CDC42BPA: variants seen among roughly 807,000 people sequenced by gnomAD.
CDC42BPA encodes the protein serine/threonine-protein kinase MRCK alpha.
Under a neutral mutation model 223.5 loss-of-function variants are expected in CDC42BPA, and 80 were observed. That is an observed-to-expected ratio of 0.36 (90% CI 0.30 to 0.43). The LOEUF (loss-of-function observed/expected upper bound fraction) is 0.43, where lower values mean the gene tolerates loss of function less well. Ranked by LOEUF, CDC42BPA falls within the 20% of genes least tolerant of loss-of-function variation. The probability of loss-of-function intolerance (pLI) is 1.00; values close to 1 mark genes in which losing one functional copy is unlikely to be tolerated. For synonymous variants in CDC42BPA, 694 were observed against 718.6 expected (o/e 0.97, Z 0.55); for missense variants, 1,743 against 2,099.9 (o/e 0.83, Z 3.32).
intron 16 of CDC42BPA, among the ~76,000 whole-genome samples, chr1:227,083,265 C>A (rs1172114404): frequency 6.7e-6 from 1 of 150,024 alleles, no homozygotes; most frequent in Non-Finnish European, 1.5e-5. Context: ...TCCCTGACTA[C>A]ACTTTAGTCT....
chr1:227,077,382 C>T (rs1235062938), intron 17 of CDC42BPA, among the ~76,000 whole-genome samples: 1 of 152,162 alleles, frequency 6.6e-6, no homozygotes, highest in African/African-American at 2.4e-5. Context: ...TTACTATACA[C>T]AAATGAGCAT....
chr1:227,096,867 T>C (rs145095211), intron 15 of CDC42BPA, among the ~76,000 whole-genome samples: 87 of 152,334 alleles, frequency 5.7e-4, no homozygotes, highest in Non-Finnish European at 1.0e-3. Flanking sequence ...CTTGAAGCTT[T>C]TGTGGCCTTC....
intron 17 of CDC42BPA, among the ~76,000 whole-genome samples, chr1:227,075,239 T>C (rs1392429965): frequency 6.6e-6 from 1 of 152,238 alleles, no homozygotes; most frequent in Non-Finnish European, 1.5e-5. Flanking sequence ...TTTGTCTTTG[T>C]GCAGGCTGGT....
chr1:227,268,782 C>T (rs1362116610), intron 1 of CDC42BPA, among the ~76,000 whole-genome samples: 1 of 151,390 alleles, frequency 6.6e-6, no homozygotes, highest in African/African-American at 2.4e-5. Context: ...ACCTCCTGGG[C>T]TGAAACAATC....
chr1:227,268,515 T>C (rs1685384551), intron 1 of CDC42BPA, among the ~76,000 whole-genome samples: 2 of 151,330 alleles, frequency 1.3e-5, no homozygotes, highest in Non-Finnish European at 2.9e-5. Flanking sequence ...TTAATACACA[T>C]TTATATGTGT....
chr1:227,247,141 A>G (rs1191989432), intron 2 of CDC42BPA, among the ~76,000 whole-genome samples: 1 of 152,128 alleles, frequency 6.6e-6, no homozygotes, highest in African/African-American at 2.4e-5. Flanking sequence ...CAGAGGTTGC[A>G]GTGAGCCAAG....
At chr1:227,080,487 C>A (rs1399159427) in intron 17 of CDC42BPA, among the ~76,000 whole-genome samples, 2 of 152,074 alleles carry the variant, frequency 1.3e-5, no homozygotes, top group African/African-American at 4.8e-5. Flanking sequence ...GATAACAGTA[C>A]AGTATCTTTA....
At position 227,259,493 on chromosome 1, in the gene CDC42BPA, T is replaced by C. The variant is rs1027004478; in HGVS notation, c.179-5338A>G. ...TTATTCCCGGTGTTCTGGCGATTCC[T>C]GACATTTGATTGCATCCCCGCCTTG... On this transcript the variant is annotated intron_variant, in intron 1 of 36. Coordinates refer to ENST00000366766, the MANE Select transcript of CDC42BPA (RefSeq NM_001394014.1). 9.3e-5 allele frequency among the ~76,000 whole-genome samples: 14 copies of C among 151,086 alleles called. 3 individuals carry two copies. The highest frequency in any genetic ancestry group is 3.5e-4 in the African/African-American group (14 of 40,370).
intron 35 of CDC42BPA, among the ~76,000 whole-genome samples, chr1:227,002,836 CTG>C (rs1456651404): frequency 6.6e-6 from 1 of 152,200 alleles, no homozygotes; most frequent in Non-Finnish European, 1.5e-5. Context: ...CTTGAGGTGA[CTG>C]TGGCCCCAGC....
chr1:227,038,451 T>C (rs888924094), intron 24 of CDC42BPA, among the ~76,000 whole-genome samples: 2 of 152,226 alleles, frequency 1.3e-5, no homozygotes, highest in Non-Finnish European at 2.9e-5. Flanking sequence ...GATAAGATGA[T>C]GTCAAAGATG....
intron 1 of CDC42BPA, among the ~76,000 whole-genome samples, chr1:227,307,034 A>G (rs1692677425): frequency 6.6e-6 from 1 of 152,152 alleles, no homozygotes; most frequent in African/African-American, 2.4e-5. Context: ...CCATGACAAT[A>G]TCGATCCCAA....
chr1:227,116,511 G>A (rs973516688), intron 12 of CDC42BPA, among the ~76,000 whole-genome samples: 2 of 152,172 alleles, frequency 1.3e-5, no homozygotes, highest in African/African-American at 4.8e-5. Flanking sequence ...AGATGGGGAT[G>A]CCTGCTATTA....
At chr1:227,130,100 T>G (rs1034712616) in intron 10 of CDC42BPA, among the ~76,000 whole-genome samples, 1 of 152,170 alleles carries the variant, frequency 6.6e-6, no homozygotes, top group East Asian at 1.9e-4. Context: ...TTCCCAGATA[T>G]CATCAAAAGA....
chr1:227,125,422 G>A (rs1689386925), intron 11 of CDC42BPA, among the ~76,000 whole-genome samples: 1 of 151,848 alleles, frequency 6.6e-6, no homozygotes, highest in Admixed American at 6.6e-5. Context: ...GACCAGCCCA[G>A]GCAACACAGC....
chr1:227,026,811 T>G (rs867537164), intron 30 of CDC42BPA, among the ~76,000 whole-genome samples: 2 of 152,050 alleles, frequency 1.3e-5, no homozygotes, highest in South Asian at 4.2e-4. Context: ...AGTATGAGAG[T>G]GTGTGTGGGT....
At chr1:227,293,604 T>C (rs1027851229) in intron 1 of CDC42BPA, among the ~76,000 whole-genome samples, 4 of 148,932 alleles carry the variant, frequency 2.7e-5, no homozygotes, top group Non-Finnish European at 5.9e-5. Context: ...GGTGGACGGA[T>C]CACCTGAGGT....
chr1:227,069,915 C>T (rs1677923944), intron 20 of CDC42BPA, 62 bp from the exon 21 acceptor site: 1 of 1,099,684 alleles, frequency 9.1e-7, no homozygotes, highest in Admixed American at 1.8e-5. Context: ...TAATGGATAA[C>T]CTTCCCTGTC....
chr1:227,179,850 A>G (rs983421597), intron 5 of CDC42BPA, among the ~76,000 whole-genome samples: 4 of 152,024 alleles, frequency 2.6e-5, no homozygotes, highest in Non-Finnish European at 5.9e-5. Context: ...ATCAAGGATA[A>G]TATCTAGTGT....
chr1:227,133,973 G>GAATAAATAAATAAATA (rs71179195), intron 10 of CDC42BPA, among the ~76,000 whole-genome samples: 19,681 of 146,146 alleles, frequency 0.13, 1,451 homozygotes, highest in Admixed American at 0.19. Context: ...AAAAATAAAT[G>GAATAAATAAATAAATA]AATAAATAAA....
Sources: allele counts gnomAD v4.1 joint callset (sites outside exome capture counted in the v4.1 genomes callset), GRCh38; gene constraint gnomAD v4.1.1; transcripts MANE v1.5; gene names NCBI Gene and HGNC (gene_info 2026-07-23, HGNC 2026-07-21).